RDH8: variants seen among roughly 807,000 people sequenced by gnomAD.
The protein encoded by RDH8 is photoreceptor outer segment all-trans retinol dehydrogenase.
A neutral mutation model predicts 22.3 loss-of-function variants in RDH8; 14 were observed. The ratio of observed to expected loss-of-function variants is 0.63; its 90% CI spans 0.42 to 0.98. The LOEUF (loss-of-function observed/expected upper bound fraction) is 0.98. RDH8 is among the 50% of genes least tolerant of loss of function. The pLI is 0.00. For synonymous variants in RDH8, 175 were observed against 171.7 expected (o/e 1.02, Z -0.15); for missense variants, 389 against 409.8 (o/e 0.95, Z 0.44).
chr19:10,016,003 T>C (rs1599241454), intron 1 of RDH8, among the ~76,000 whole-genome samples: 1 of 152,002 alleles, frequency 6.6e-6, no homozygotes, highest in Non-Finnish European at 1.5e-5. Context: ...TCAGTGTTCA[T>C]ATATGCACAT....
In RDH8 at chr19:10,020,725, T is replaced by C. The variant is rs2233796; in HGVS notation, c.459T>C (p.Asp153=). 26,891 of 1,609,990 alleles carry C rather than the reference T, an allele frequency of 0.017. 333 individuals are homozygous for C. The highest frequency in any genetic ancestry group is 0.047 in the African/African-American group (3,496 of 74,974). ...CCCTCACAGGTGTCATCTTCAACGA[T>C]GTCTATGCAGCTTCCAAGTTCGCCC... ...VMGLQGVIFN[D]VYAASKFALE... is the part of the protein sequence containing the mutation. Residue 153 remains aspartate, a synonymous_variant, in exon 4 of 6, where the codon GAT becomes GAC. Coordinates refer to ENST00000591589, the MANE Select transcript of RDH8 (RefSeq NM_015725.4).
At chr19:10,014,765 G>A (rs1055346843) in intron 1 of RDH8, among the ~76,000 whole-genome samples, 1 of 152,056 alleles carries the variant, frequency 6.6e-6, no homozygotes, top group Non-Finnish European at 1.5e-5. Context: ...TCGAACTCCT[G>A]GTCTCAGGTG....
In RDH8 at chr19:10,015,966, AT is replaced by A. The variant is rs757699281; in HGVS notation, c.104-1090del. On this transcript the variant is annotated intron_variant, in intron 1 of 5. Transcript: ENST00000591589. ...AGTGAAACTTCGTCTCAAAAAAAAA[AT>A]ATATATATATATATGGCTATTCACT... Among the ~76,000 whole-genome samples, 855 of 145,240 alleles carry A rather than the reference AT, an allele frequency of 5.9e-3. 6 individuals carry two copies. The highest frequency in any genetic ancestry group is 0.014 in the African/African-American group (546 of 37,676).
At chr19:10,019,821 T>TACAAAC (rs1568442525) in intron 3 of RDH8, among the ~76,000 whole-genome samples, 6 of 150,270 alleles carry the variant, frequency 4.0e-5, no homozygotes, top group South Asian at 2.1e-4. Context: ...AATAAATAAG[T>TACAAAC]AAACAAACAA....
At chr19:10,018,118 T>C (rs951520544) in intron 2 of RDH8, among the ~76,000 whole-genome samples, 1 of 152,140 alleles carries the variant, frequency 6.6e-6, no homozygotes, top group African/African-American at 2.4e-5. Flanking sequence ...GCTAATTTTG[T>C]ATTTTTAGTA....
rs570021200 is a variant in RDH8, at chr19:10,020,432, G to A, written c.443-277G>A. On this transcript the variant is annotated intron_variant, in intron 3 of 5. Coordinates refer to ENST00000591589, the MANE Select transcript of RDH8 (RefSeq NM_015725.4). ...AGAAAAATGAAGGGGATCCCCAAGC[G>A]GCCCCAAAGGTTTAGAGAATGGAGG... is the stretch of plus-strand genomic sequence containing the variant. Among the ~76,000 whole-genome samples the A allele has an allele frequency of 4.8e-3, 727 of 151,590 alleles. 9 individuals are homozygous for A. Among genetic ancestry groups the A allele is most frequent in the African/African-American group, 0.017 (690 of 41,376 alleles).
At chr19:10,015,333 G>A (rs1401079677) in intron 1 of RDH8, among the ~76,000 whole-genome samples, 1 of 151,632 alleles carries the variant, frequency 6.6e-6, no homozygotes, top group African/African-American at 2.4e-5. Flanking sequence ...GATGCCTGTA[G>A]TCCCAGCTAT....
chr19:10,017,078 T>C lies in RDH8; in HGVS notation c.125T>C (p.Leu42Pro), dbSNP rs747087379. 3.0e-5 allele frequency: 47 copies of C among 1,590,350 alleles called. No individual in the cohort carries two copies. Among genetic ancestry groups the C allele is most frequent in the Middle Eastern group, 1.8e-4 (1 of 5,502 alleles). ...GCAGTCGTGGCCACCATGAGGGACC[T>C]GGGGAAGAAGGAGACACTGGAGGCA... ...RYQVVATMRD[L>P]GKKETLEAAA... Residue 42 changes from leucine to proline, a missense_variant, in exon 2 of 6, where the codon CTG (leucine) becomes CCG (proline). Transcript: ENST00000591589.
rs202193089 is a variant in RDH8 at position 10,021,535 on chromosome 19, C to G, written c.722C>G (p.Ala241Gly). ...VGQNPQDVVQAIVNVISSTRP... is the reference protein window; with the variant it reads ...VGQNPQDVVQGIVNVISSTRP... Reference sequence around the variant, plus strand: ...GCGCTCAGGGCCTCCATTCTGCAGGCCATTGTCAACGTCATCAGCTCGACT... The same window carrying G: ...GCGCTCAGGGCCTCCATTCTGCAGGGCATTGTCAACGTCATCAGCTCGACT... Residue 241 changes from alanine to glycine, a missense_variant and splice_region_variant, in exon 6 of 6, where the codon GCC becomes GGC. Transcript: ENST00000591589. 6.2e-7 allele frequency: 1 copy of G among 1,614,124 alleles called. No individual in the cohort carries two copies. Among genetic ancestry groups the G allele is most frequent in the Non-Finnish European group, 8.5e-7 (1 of 1,180,018 alleles).
At chr19:10,018,608 AC>A (rs2145167298) in intron 2 of RDH8, 122 bp from the exon 3 acceptor site, 1 of 705,050 alleles carries the variant, frequency 1.4e-6, no homozygotes, top group African/African-American at 1.8e-5. Flanking sequence ...ATATTTGTCC[AC>A]CCAAGATACC....
Position 10,018,849 on chromosome 19 carries a change from A to C in RDH8, c.381A>C (p.Pro127=), listed in dbSNP as rs1453036375. 1.4e-5 allele frequency: 23 copies of C among 1,613,670 alleles called. No homozygotes were observed. Among genetic ancestry groups the C allele is most frequent in the Non-Finnish European group, 1.8e-5 (21 of 1,179,824 alleles). ...GAVRLVKAVL[P]GMKRRRQGHI... ...TCCGTCTCGTCAAAGCTGTGCTTCC[A>C]GGCATGAAGAGGAGGCGGCAGGGCC... Residue 127 remains proline, a synonymous_variant, in exon 3 of 6, where the codon CCA becomes CCC. Transcript: ENST00000591589.
chr19:10,020,810 G>C lies in RDH8; in HGVS notation c.536+8G>C. 1.3e-6 allele frequency: 2 copies of C among 1,597,224 alleles called. No homozygotes were observed. The highest frequency in any genetic ancestry group is 1.7e-6 in the Non-Finnish European group (2 of 1,168,174). Reference sequence around the variant, plus strand: ...GCTGCAGTTCAACATCTTGTGAGGCGGGCACGTGGGCAGAGGGGGCTTGGA... The same window carrying C: ...GCTGCAGTTCAACATCTTGTGAGGCCGGCACGTGGGCAGAGGGGGCTTGGA... On this transcript the variant is annotated splice_region_variant and intron_variant, in intron 4 of 5. Coordinates refer to ENST00000591589, the MANE Select transcript of RDH8 (RefSeq NM_015725.4).
intron 1 of RDH8, among the ~76,000 whole-genome samples, chr19:10,015,150 G>A (rs868652037): frequency 2.0e-4 from 30 of 152,258 alleles, no homozygotes; most frequent in African/African-American, 7.0e-4. Context: ...CTGAGGTCCT[G>A]CTTAAGAACA....
Position 10,021,315 on chromosome 19 carries a change from G to A in RDH8, c.597G>A (p.Gln199=). The A allele has an allele frequency of 6.2e-7, 1 of 1,614,094 alleles. No homozygotes were observed. Among genetic ancestry groups the A allele is most frequent in the Non-Finnish European group, 8.5e-7 (1 of 1,179,996 alleles). Residue 199 remains glutamine (Q), a synonymous_variant, in exon 5 of 6, where the codon CAG becomes CAA. Coordinates refer to ENST00000591589, the MANE Select transcript of RDH8 (RefSeq NM_015725.4). Reference sequence around the variant, plus strand: ...AGTTTGAGGGGAAGCTTCTGGCGCAGGTTTCTATGGCTGAGTTCCCAGGCA... The same window carrying A: ...AGTTTGAGGGGAAGCTTCTGGCGCAAGTTTCTATGGCTGAGTTCCCAGGCA... ...VTEFEGKLLA[Q]VSMAEFPGTD... is the part of the protein sequence containing the mutation.
Position 10,018,859 on chromosome 19 carries a change from A to G in RDH8, c.391A>G (p.Arg131Gly). The change falls in exon 3 of 6, where the codon AGG becomes GGG. Residue 131 changes from arginine to glycine, a missense_variant. Arg to Gly is a moderately radical substitution (Grantham distance 125, BLOSUM62 -2). Transcript: ENST00000591589. ...CAAAGCTGTGCTTCCAGGCATGAAG[A>G]GGAGGCGGCAGGGCCACATCGTGGT... ...LVKAVLPGMK[R>G]RRQGHIVVIS... 4 of 1,613,752 alleles carry G rather than the reference A, an allele frequency of 2.5e-6. No individual in the cohort carries two copies. In the South Asian group the frequency reaches 3.3e-5, roughly 13 times the overall value.
intron 3 of RDH8, among the ~76,000 whole-genome samples, chr19:10,019,339 T>C (rs1322618390): frequency 1.3e-5 from 2 of 151,644 alleles, no homozygotes; most frequent in Non-Finnish European, 2.9e-5. Context: ...GCCTGGAGAA[T>C]TGTGTTCAGA....
Position 10,020,815 on chromosome 19 carries a change from C to G in RDH8, c.536+13C>G, listed in dbSNP as rs374151989. On this transcript the variant is annotated intron_variant, in intron 4 of 5. Transcript: ENST00000591589. ...AGTTCAACATCTTGTGAGGCGGGCA[C>G]GTGGGCAGAGGGGGCTTGGAGCCAG... The G allele has an allele frequency of 1.3e-6, 2 of 1,593,876 alleles. No individual in the cohort carries two copies. Among genetic ancestry groups the G allele is most frequent in the South Asian group, 1.1e-5 (1 of 89,306 alleles).
In RDH8 at chr19:10,021,959, T is replaced by C. The variant is rs1055891729; in HGVS notation, c.*210T>C. 1 of 606,410 alleles carries C rather than the reference T, an allele frequency of 1.6e-6. No individual in the cohort carries two copies. The highest frequency in any genetic ancestry group is 2.8e-6 in the Non-Finnish European group (1 of 354,828). 37.6% of individuals were successfully genotyped at this position (606,410 alleles called of 1,614,324 possible). On this transcript the variant is annotated 3_prime_UTR_variant, in exon 6 of 6. Transcript: ENST00000591589. ...ACAGCTGGAGCACAGAGAGGGACCCTGGGAACTTGGCCTGGGAAGCCCAGA... is the reference window on the plus strand; with the variant it reads ...ACAGCTGGAGCACAGAGAGGGACCCCGGGAACTTGGCCTGGGAAGCCCAGA...
Position 10,013,493 on chromosome 19 carries a change from T to A in RDH8, c.-5T>A. The A allele has an allele frequency of 6.2e-7, 1 of 1,612,172 alleles. No homozygotes were observed. The highest frequency in any genetic ancestry group is 8.5e-7 in the Non-Finnish European group (1 of 1,179,976). On this transcript the variant is annotated 5_prime_UTR_variant, in exon 1 of 6. Transcript: ENST00000591589. ...GGAGGTCACGAGTCCAGGGAGGGGA[T>A]CAACATGGCCGCTGCACCCCGGACT...
Sources: allele counts gnomAD v4.1 joint callset (sites outside exome capture counted in the v4.1 genomes callset), GRCh38; gene constraint gnomAD v4.1.1; transcripts MANE v1.5; gene names NCBI Gene and HGNC (gene_info 2026-07-23, HGNC 2026-07-21).